RAD21L1: variants seen among roughly 807,000 people sequenced by gnomAD.
RAD21L1 encodes double-strand-break repair protein rad21-like protein 1.
Under a neutral mutation model 69.0 loss-of-function variants are expected in RAD21L1, and 47 were observed. That is an observed-to-expected ratio of 0.68 (90% confidence interval 0.54 to 0.87). The LOEUF (loss-of-function observed/expected upper bound fraction) is 0.87, where lower values mean the gene tolerates loss of function less well. Among genes scored for constraint, RAD21L1 ranks in the 40% least tolerant of loss-of-function variants. RAD21L1 has a pLI of 0.00. For missense variants in RAD21L1, 583 were observed against 647.6 expected (o/e 0.90, Z 1.08); for synonymous variants, 177 against 205.8 (o/e 0.86, Z 1.20).
intron 2 of RAD21L1, 24 bp downstream of exon 2, chr20:1,228,621 G>T (rs2087315408): frequency 1.4e-6 from 2 of 1,450,548 alleles, no homozygotes; most frequent in Admixed American, 2.5e-5. Context: ...TAAAATGATA[G>T]CTTGTATTTA....
chr20:1,247,556 T>G (rs757078349), intron 12 of RAD21L1, among the ~76,000 whole-genome samples: 7 of 152,172 alleles, frequency 4.6e-5, no homozygotes, highest in Non-Finnish European at 1.0e-4. Context: ...CAAATCAGTC[T>G]TTTTGGAATA....
Position 1,246,180 on chromosome 20 carries a change from AT to A in RAD21L1, c.1309-30del. The A allele has an allele frequency of 7.8e-7, 1 of 1,289,002 alleles. No homozygotes were observed. The highest frequency in any genetic ancestry group is 1.1e-6 in the Non-Finnish European group (1 of 927,916). 79.8% of individuals were successfully genotyped at this position (1,289,002 alleles called of 1,614,324 possible). On this transcript the variant is annotated intron_variant, in intron 11 of 13. Coordinates refer to ENST00000683101, the MANE Select transcript of RAD21L1 (RefSeq NM_001384355.1). This position sits in a 1 kb window ranked among gnomAD's most constrained non-coding sequence, Gnocchi z 4.6. ...ATTGTTCCTGTATAACCACTGGCAG[AT>A]TTACCTAACTTTCCCTAATTTGCTT...
chr20:1,238,798 G>T (rs780222341), intron 6 of RAD21L1, among the ~76,000 whole-genome samples: 28 of 151,962 alleles, frequency 1.8e-4, no homozygotes, highest in Non-Finnish European at 3.7e-4. Flanking sequence ...AAACTAAGAA[G>T]TCCAAATGCA....
At chr20:1,242,867 C>A in intron 9 of RAD21L1, 22 bp downstream of exon 9, 2 of 1,403,956 alleles carry the variant, frequency 1.4e-6, no homozygotes, top group Non-Finnish European at 2.0e-6. Context: ...TACCCTTCTA[C>A]ATGTGAGCAA....
At chr20:1,241,539 T>C (rs889304103) in intron 8 of RAD21L1, among the ~76,000 whole-genome samples, 1 of 152,204 alleles carries the variant, frequency 6.6e-6, no homozygotes, top group African/African-American at 2.4e-5. Context: ...ACTGAGCCTC[T>C]ATCTCACTAG....
At chr20:1,233,465 G>T (rs376961003) in intron 4 of RAD21L1, among the ~76,000 whole-genome samples, 13 of 152,140 alleles carry the variant, frequency 8.5e-5, no homozygotes, top group African/African-American at 3.1e-4. Context: ...TGTATTCCAT[G>T]AGGAAGGGAG....
chr20:1,231,163 T>C (rs2087382730), intron 3 of RAD21L1, among the ~76,000 whole-genome samples: 3 of 152,110 alleles, frequency 2.0e-5, no homozygotes, highest in Non-Finnish European at 4.4e-5. Context: ...AGAGCAAAGG[T>C]CTTGAGGTGG....
At chr20:1,238,283 T>G in intron 6 of RAD21L1, 69 bp downstream of exon 6, 1 of 1,065,756 alleles carries the variant, frequency 9.4e-7, no homozygotes, top group Admixed American at 3.2e-5. Context: ...ATTAGTAGAT[T>G]TATTATATCA....
intron 3 of RAD21L1, 129 bp from the exon 4 acceptor site, chr20:1,231,397 G>A (rs893886702): frequency 1.6e-6 from 1 of 644,044 alleles, no homozygotes. Context: ...ACTACACAAG[G>A]GTAGGAGTAG....
chr20:1,239,999 A>G (rs921838130), intron 7 of RAD21L1, among the ~76,000 whole-genome samples: 5 of 152,178 alleles, frequency 3.3e-5, no homozygotes, highest in African/African-American at 1.2e-4. Flanking sequence ...TTTTTAGCAG[A>G]CATATAGTCA....
At position 1,244,115 on chromosome 20, in the gene RAD21L1, T is replaced by C. The variant is rs1432626015; in HGVS notation, c.1253T>C (p.Ile418Thr). Reference sequence around the variant, plus strand: ...AAACCCCAAACTTGGAAGGATGTGATTGGTGGATCTCAGCATAGCTCTCAT... The same window carrying C: ...AAACCCCAAACTTGGAAGGATGTGACTGGTGGATCTCAGCATAGCTCTCAT... Reference protein sequence around the residue: ...LSKPQTWKDVIGGSQHSSHED... With the variant: ...LSKPQTWKDVTGGSQHSSHED... Residue 418 changes from isoleucine (I) to threonine (T), a missense_variant, in exon 11 of 14, where the codon ATT becomes ACT. By Grantham distance (89) the Ile-to-Thr change is moderately conservative (BLOSUM62 -1). Transcript: ENST00000683101. 1 of 1,549,858 alleles carries C rather than the reference T, an allele frequency of 6.5e-7. No homozygotes were observed. Among genetic ancestry groups the C allele is most frequent in the Non-Finnish European group, 8.7e-7 (1 of 1,145,402 alleles).
At chr20:1,240,829 T>G (rs1029085472) in intron 8 of RAD21L1, among the ~76,000 whole-genome samples, 12 of 152,194 alleles carry the variant, frequency 7.9e-5, no homozygotes, top group Non-Finnish European at 1.3e-4. Context: ...CTGCATACAA[T>G]TAAAAGTGGG....
At chr20:1,251,253 A>G (rs1388768256) in intron 13 of RAD21L1, among the ~76,000 whole-genome samples, 1 of 152,008 alleles carries the variant, frequency 6.6e-6, no homozygotes, top group African/African-American at 2.4e-5. Context: ...GAAAGGTCAG[A>G]TATTGCCTTA....
intron 12 of RAD21L1, among the ~76,000 whole-genome samples, chr20:1,248,120 C>T (rs116676672): frequency 0.015 from 2,214 of 143,716 alleles, 52 homozygotes; most frequent in African/African-American, 0.055. Context: ...ATGCCTTGGA[C>T]AAGGCATCTC....
chr20:1,245,159 G>A (rs2087694140), intron 11 of RAD21L1, among the ~76,000 whole-genome samples: 1 of 152,148 alleles, frequency 6.6e-6, no homozygotes. Context: ...CGATGTACCA[G>A]TTCTTTTGAA....
chr20:1,248,013 G>T (rs2087750424), intron 12 of RAD21L1, among the ~76,000 whole-genome samples: 1 of 137,174 alleles, frequency 7.3e-6, no homozygotes. Context: ...TAAATATTGA[G>T]GTATTTCTGA....
intron 5 of RAD21L1, 127 bp from the exon 6 acceptor site, chr20:1,237,917 G>A: frequency 2.0e-6 from 1 of 499,674 alleles, no homozygotes; most frequent in Non-Finnish European, 3.4e-6. Context: ...AAGTCTTTCA[G>A]CCATTCTCTT....
At position 1,245,758 on chromosome 20, in the gene RAD21L1, C is replaced by T. The variant is rs547379331; in HGVS notation, c.1309-455C>T. Among the ~76,000 whole-genome samples the T allele has an allele frequency of 2.6e-5, 4 of 152,138 alleles. No individual in the cohort carries two copies. In the South Asian group the frequency reaches 8.3e-4, roughly 32 times the overall value. On this transcript the variant is annotated intron_variant, in intron 11 of 13. Transcript: ENST00000683101. ...GTGGCAGGAATCCTGTCATGGTCCT[C>T]GGTAGGGATATTAATATCCCTTTCC...
intron 6 of RAD21L1, among the ~76,000 whole-genome samples, chr20:1,238,781 T>A (rs1424984878): frequency 2.0e-5 from 3 of 152,146 alleles, no homozygotes; most frequent in Non-Finnish European, 4.4e-5. Context: ...AGAAATCGGG[T>A]AGAGAAAAAC....
Sources: gnomAD v4.1 joint callset for allele counts (sites outside exome capture counted in the v4.1 genomes callset) on GRCh38, gnomAD v4.1.1 for gene constraint, Gnocchi (gnomAD v3.1) non-coding constraint, MANE v1.5 for transcripts, NCBI Gene and HGNC (gene_info 2026-07-23, HGNC 2026-07-21) for gene names.